The following PCDHB5 variants were observed in gnomAD, a reference collection of about 807,000 sequenced individuals.
The protein encoded by PCDHB5 is protocadherin beta-5.
For synonymous variants in PCDHB5, 569 were observed against 462.2 expected (o/e 1.23, Z -2.96); for missense variants, 1,125 against 1,029.4 (o/e 1.09, Z -1.27).
Position 141,135,379 on chromosome 5 carries a change from C to G in PCDHB5, c.-56C>G. 2.4e-6 allele frequency: 3 copies of G among 1,226,576 alleles called. No individual in the cohort carries two copies. Among genetic ancestry groups the G allele is most frequent in the Non-Finnish European group, 3.5e-6 (3 of 868,962 alleles). 76.0% of individuals were successfully genotyped at this position (1,226,576 alleles called of 1,614,324 possible). A position where few individuals can be genotyped will look rare whatever the true frequency, so the allele number is the denominator to read the frequency against. On this transcript the variant is annotated 5_prime_UTR_variant, in exon 1 of 1. The change creates a new upstream start codon in the 5' untranslated region. Transcript: ENST00000231134. ...CGGATTCGCGGTTATTTATGCAAAT[C>G]ATCTGGGTGGATTGTGTACGGAGTT... is the stretch of plus-strand genomic sequence containing the variant.
chr5:141,136,593 G>T lies in PCDHB5; in HGVS notation c.1159G>T (p.Asp387Tyr). 6.2e-7 allele frequency: 1 copy of T among 1,614,084 alleles called. No individual in the cohort carries two copies. Among genetic ancestry groups the T allele is most frequent in the South Asian group, 1.1e-5 (1 of 91,058 alleles). Reference sequence around the variant, plus strand: ...TAGGATGATTTGCTCCATCCAGAATGATCTCCCCTTTCTTTTGAAGCCCAC... The same window carrying T: ...TAGGATGATTTGCTCCATCCAGAATTATCTCCCCTTTCTTTTGAAGCCCAC... ...NGRMICSIQN[D>Y]LPFLLKPTLK... is the part of the protein sequence containing the mutation. Residue 387 changes from aspartate to tyrosine, a missense_variant, in exon 1 of 1, where the codon GAT (aspartate) becomes TAT (tyrosine). Physicochemically the swap from Asp to Tyr is radical, Grantham distance 160 (BLOSUM62 -3). Transcript: ENST00000231134.
In PCDHB5 at chr5:141,136,152, C is replaced by A; in HGVS notation, c.718C>A (p.Pro240Thr). The A allele has an allele frequency of 6.2e-7, 1 of 1,614,120 alleles. No individual in the cohort carries two copies. The highest frequency in any genetic ancestry group is 8.5e-7 in the Non-Finnish European group (1 of 1,180,002). The change falls in exon 1 of 1, where the codon CCC (proline) becomes ACC (threonine). Residue 240 changes from proline (P) to threonine (T), a missense_variant. Physicochemically the swap from Pro to Thr is conservative, Grantham distance 38. Coordinates refer to ENST00000231134, the MANE Select transcript of PCDHB5 (RefSeq NM_015669.5). Reference sequence around the variant, plus strand: ...CGTCTTGGATAATAATGACAACGCCCCCGAATTTTTACAATCATTCTATGA... The same window carrying A: ...CGTCTTGGATAATAATGACAACGCCACCGAATTTTTACAATCATTCTATGA... Reference protein sequence around the residue: ...IVVLDNNDNAPEFLQSFYEVQ... With the variant: ...IVVLDNNDNATEFLQSFYEVQ...
At position 141,137,200 on chromosome 5, in the gene PCDHB5, T is replaced by TGGGG; in HGVS notation, c.1768_1769insGGGG (p.Ala590GlyfsTer6). The TGGGG allele has an allele frequency of 5.0e-6, 8 of 1,610,966 alleles. No individual in the cohort carries two copies. Among genetic ancestry groups the TGGGG allele is most frequent in the Non-Finnish European group, 6.8e-6 (8 of 1,179,594 alleles). ...CCGGGCTACCTGGTGACCAAGGTGG[T>TGGGG]GGCGGTGGACGGTGACTCGGGCCAG... is the stretch of plus-strand genomic sequence containing the variant. On this transcript the variant is annotated frameshift_variant, in exon 1 of 1. Transcript: ENST00000231134. LOFTEE classifies it low-confidence loss of function (END_TRUNC).
rs782543802 is a variant in PCDHB5, at chr5:141,136,803, C to A, written c.1369C>A (p.Leu457Met). The A allele has an allele frequency of 1.9e-6, 3 of 1,613,796 alleles. No individual in the cohort carries two copies. In the Admixed American group the frequency reaches 5.0e-5, roughly 27 times the overall value. Residue 457 changes from leucine to methionine, a missense_variant, in exon 1 of 1, where the codon CTG becomes ATG. Coordinates refer to ENST00000231134, the MANE Select transcript of PCDHB5 (RefSeq NM_015669.5). ...CGCCTTCACCCAAACCTCCTACACCCTGTTCGTCCGAGAGAACAACAGCCC... is the reference window on the plus strand; with the variant it reads ...CGCCTTCACCCAAACCTCCTACACCATGTTCGTCCGAGAGAACAACAGCCC... The part of the protein sequence containing the change: ...APAFTQTSYT[L>M]FVRENNSPAL...
chr5:141,136,511 C>G lies in PCDHB5; in HGVS notation c.1077C>G (p.Ala359=). 5 of 1,614,058 alleles carry G rather than the reference C, an allele frequency of 3.1e-6. No individual in the cohort carries two copies. Among genetic ancestry groups the G allele is most frequent in the Non-Finnish European group, 4.2e-6 (5 of 1,179,980 alleles). ...STLSSPTPEN[A]PETVVAVFSV... is the part of the protein sequence containing the mutation. ...TCTCCAGCCCTACCCCAGAAAATGC[C>G]CCGGAAACTGTAGTTGCCGTTTTCA... Residue 359 remains alanine, a synonymous_variant, in exon 1 of 1, where the codon GCC becomes GCG. Coordinates refer to ENST00000231134, the MANE Select transcript of PCDHB5 (RefSeq NM_015669.5).
In PCDHB5 at chr5:141,137,102, C is replaced by T; in HGVS notation, c.1668C>T (p.Asn556=). Residue 556 remains asparagine, a synonymous_variant, in exon 1 of 1, where the codon AAC becomes AAT. Coordinates refer to ENST00000231134, the MANE Select transcript of PCDHB5 (RefSeq NM_015669.5). ...TGCTGGTGCTGGACGCCAACGACAACTCGCCCTTCGTGCTGTATCCGCTGC... is the reference window on the plus strand; with the variant it reads ...TGCTGGTGCTGGACGCCAACGACAATTCGCCCTTCGTGCTGTATCCGCTGC... The part of the protein sequence containing the change: ...VRVLVLDAND[N]SPFVLYPLQN... 6.2e-7 allele frequency: 1 copy of T among 1,611,634 alleles called. No homozygotes were observed. Among genetic ancestry groups the T allele is most frequent in the South Asian group, 1.1e-5 (1 of 90,966 alleles).
Position 141,136,280 on chromosome 5 carries a change from C to T in PCDHB5, c.846C>T (p.Phe282=). Residue 282 remains phenylalanine, a synonymous_variant, in exon 1 of 1, where the codon TTC becomes TTT. Transcript: ENST00000231134. The stretch of plus-strand genomic sequence containing the variant: ...ATGGGAGTGTAGCCTATGCTCTATT[C>T]CAAGGCGATGAAGTTACTCAACCAT... ...GAYGSVAYAL[F]QGDEVTQPFV... 1 of 1,614,142 alleles carries T rather than the reference C, an allele frequency of 6.2e-7. No individual in the cohort carries two copies. The highest frequency in any genetic ancestry group is 8.5e-7 in the Non-Finnish European group (1 of 1,180,004).
Position 141,136,049 on chromosome 5 carries a change from G to A in PCDHB5, c.615G>A (p.Arg205=), listed in dbSNP as rs782310094. 5.6e-6 allele frequency: 9 copies of A among 1,614,186 alleles called. No homozygotes were observed. The East Asian group carries it at 1.8e-4, about 32-fold the overall frequency. The change falls in exon 1 of 1, where the codon CGG becomes CGA. Residue 205 remains arginine (R), a synonymous_variant. Coordinates refer to ENST00000231134, the MANE Select transcript of PCDHB5 (RefSeq NM_015669.5). ...ACAAAGCGCTGGACCGGGAGGAGCGGCCTGAGCTCAGCTTAACACTCACTG... is the reference window on the plus strand; with the variant it reads ...ACAAAGCGCTGGACCGGGAGGAGCGACCTGAGCTCAGCTTAACACTCACTG... ...VLDKALDREE[R]PELSLTLTAL...
Position 141,136,785 on chromosome 5 carries a change from A to T in PCDHB5, c.1351A>T (p.Thr451Ser), listed in dbSNP as rs200378186. 367 of 1,613,836 alleles carry T rather than the reference A, an allele frequency of 2.3e-4. No homozygotes were observed. In the East Asian group the frequency reaches 7.5e-3, roughly 33 times the overall value. ...CGTCAATGACAACGCCCCCGCCTTC[A>T]CCCAAACCTCCTACACCCTGTTCGT... Reference protein sequence around the residue: ...SDVNDNAPAFTQTSYTLFVRE... With the variant: ...SDVNDNAPAFSQTSYTLFVRE... The change falls in exon 1 of 1, where the codon ACC (threonine) becomes TCC (serine). Residue 451 changes from threonine (T) to serine (S), a missense_variant. Physicochemically the swap from Thr to Ser is moderately conservative, Grantham distance 58. Transcript: ENST00000231134.
Position 141,135,602 on chromosome 5 carries a change from G to A in PCDHB5, c.168G>A (p.Val56=). 1 of 1,614,162 alleles carries A rather than the reference G, an allele frequency of 6.2e-7. No individual in the cohort carries two copies. Among genetic ancestry groups the A allele is most frequent in the Non-Finnish European group, 8.5e-7 (1 of 1,180,034 alleles). Residue 56 remains valine (V), a synonymous_variant, in exon 1 of 1, where the codon GTG becomes GTA. Transcript: ENST00000231134. ...ANLAKDLGLG[V]GELATRGARM... is the part of the protein sequence containing the mutation. Reference sequence around the variant, plus strand: ...TGGCAAAAGACCTGGGTCTTGGGGTGGGGGAACTGGCCACTCGGGGCGCGC... The same window carrying A: ...TGGCAAAAGACCTGGGTCTTGGGGTAGGGGAACTGGCCACTCGGGGCGCGC...
At position 141,137,604 on chromosome 5, in the gene PCDHB5, T is replaced by C. The variant is rs1554276265; in HGVS notation, c.2170T>C (p.Cys724Arg). The C allele has an allele frequency of 6.2e-7, 1 of 1,613,350 alleles. No homozygotes were observed. The highest frequency in any genetic ancestry group is 1.1e-5 in the South Asian group (1 of 91,028). Residue 724 changes from cysteine (C) to arginine (R), a missense_variant, in exon 1 of 1, where the codon TGC (cysteine) becomes CGC (arginine). By Grantham distance (180) the Cys-to-Arg change is radical. Transcript: ENST00000231134. Reference protein sequence around the residue: ...RRSRAAPVGRCSVPEGPFPGH... With the variant: ...RRSRAAPVGRRSVPEGPFPGH... ...GAGCAGGGCGGCCCCGGTCGGTCGC[T>C]GCTCGGTGCCCGAGGGCCCCTTTCC... is the stretch of plus-strand genomic sequence containing the variant.
Position 141,135,305 on chromosome 5 carries a change from T to C in PCDHB5, c.-130T>C, listed in dbSNP as rs1463255162. The C allele has an allele frequency of 3.0e-6, 2 of 670,154 alleles. No homozygotes were observed. The highest frequency in any genetic ancestry group is 3.6e-5 in the African/African-American group (2 of 55,592). 41.5% of individuals were successfully genotyped at this position (670,154 alleles called of 1,614,324 possible). On this transcript the variant is annotated 5_prime_UTR_variant, in exon 1 of 1. Transcript: ENST00000231134. ...CGCATTTTAGGTAAGATCTAGTGGC[T>C]AGATCTTCAGGGTGGGCTTCGTTCT...
Position 141,137,437 on chromosome 5 carries a change from C to T in PCDHB5, c.2003C>T (p.Pro668Leu). 6.2e-7 allele frequency: 1 copy of T among 1,612,166 alleles called. No homozygotes were observed. Among genetic ancestry groups the T allele is most frequent in the Non-Finnish European group, 8.5e-7 (1 of 1,179,624 alleles). ...HVLLVDGFSQ[P>L]YLPLPEAAPA... ...CTCCTGGTGGACGGCTTCTCCCAGC[C>T]CTACCTGCCGCTGCCGGAGGCGGCC... Residue 668 changes from proline (P) to leucine (L), a missense_variant, in exon 1 of 1, where the codon CCC (proline) becomes CTC (leucine). Pro to Leu is a moderately conservative substitution (Grantham distance 98). Transcript: ENST00000231134.
In PCDHB5 at chr5:141,136,368, C is replaced by G. The variant is rs368508473; in HGVS notation, c.934C>G (p.Pro312Ala). The part of the protein sequence containing the change: ...LKRALDFEAT[P>A]YYNVEIVATD... ...AAGGGCATTGGATTTCGAGGCAACTCCATATTATAACGTGGAAATTGTAGC... is the reference window on the plus strand; with the variant it reads ...AAGGGCATTGGATTTCGAGGCAACTGCATATTATAACGTGGAAATTGTAGC... The change falls in exon 1 of 1, where the codon CCA becomes GCA. Residue 312 changes from proline to alanine, a missense_variant. Coordinates refer to ENST00000231134, the MANE Select transcript of PCDHB5 (RefSeq NM_015669.5). 16 of 1,614,072 alleles carry G rather than the reference C, an allele frequency of 9.9e-6. No individual in the cohort carries two copies. Among genetic ancestry groups the G allele is most frequent in the East Asian group, 6.7e-5 (3 of 44,874 alleles).
In PCDHB5 at chr5:141,136,345, G is replaced by A. The variant is rs781926064; in HGVS notation, c.911G>A (p.Arg304Lys). The A allele has an allele frequency of 6.0e-5, 97 of 1,614,004 alleles. No homozygotes were observed. Among genetic ancestry groups the A allele is most frequent in the Non-Finnish European group, 7.6e-5 (90 of 1,180,034 alleles). ...DEKTAEIRLKRALDFEATPYY... is the reference protein window; with the variant it reads ...DEKTAEIRLKKALDFEATPYY... Reference sequence around the variant, plus strand: ...AAAACAGCAGAAATTCGCCTGAAAAGGGCATTGGATTTCGAGGCAACTCCA... The same window carrying A: ...AAAACAGCAGAAATTCGCCTGAAAAAGGCATTGGATTTCGAGGCAACTCCA... The change falls in exon 1 of 1, where the codon AGG becomes AAG. Residue 304 changes from arginine (R) to lysine (K), a missense_variant. Arg to Lys is a conservative substitution (Grantham distance 26). Coordinates refer to ENST00000231134, the MANE Select transcript of PCDHB5 (RefSeq NM_015669.5).
In PCDHB5 at chr5:141,137,708, A is replaced by T. The variant is rs782788427; in HGVS notation, c.2274A>T (p.Ser758=). Residue 758 remains serine, a synonymous_variant, in exon 1 of 1, where the codon TCA becomes TCT. Transcript: ENST00000231134. ...YHYEVCLTGD[S]GAGEFKFLKP... The stretch of plus-strand genomic sequence containing the variant: ...ACGAGGTGTGTTTGACCGGAGACTC[A>T]GGGGCCGGCGAGTTCAAGTTCCTGA... The T allele has an allele frequency of 6.2e-7, 1 of 1,614,224 alleles. No homozygotes were observed. Among genetic ancestry groups the T allele is most frequent in the Non-Finnish European group, 8.5e-7 (1 of 1,180,048 alleles).
Position 141,137,279 on chromosome 5 carries a change from C to T in PCDHB5, c.1845C>T (p.Ser615=), listed in dbSNP as rs782158856. 9.3e-6 allele frequency: 15 copies of T among 1,610,564 alleles called. No individual in the cohort carries two copies. The highest frequency in any genetic ancestry group is 4.0e-5 in the African/African-American group (3 of 74,866). Residue 615 remains serine (S), a synonymous_variant, in exon 1 of 1, where the codon AGC becomes AGT. Transcript: ENST00000231134. ...AGGCCACGGAGCCCGGGCTGTTCAG[C>T]ATGTGGGCGCACAATGGCGAGGTGC... ...LLKATEPGLF[S]MWAHNGEVRT...
rs782459626 is a variant in PCDHB5 at position 141,135,672 on chromosome 5, A to G, written c.238A>G (p.Lys80Glu). The G allele has an allele frequency of 3.7e-6, 6 of 1,614,040 alleles. No homozygotes were observed. The highest frequency in any genetic ancestry group is 1.1e-5 in the South Asian group (1 of 91,072). Residue 80 changes from lysine (K) to glutamate (E), a missense_variant, in exon 1 of 1, where the codon AAG (lysine) becomes GAG (glutamate). By Grantham distance (56) the Lys-to-Glu change is moderately conservative. Coordinates refer to ENST00000231134, the MANE Select transcript of PCDHB5 (RefSeq NM_015669.5). ...GNKELLQLDI[K>E]TGNLLLYEKL... ...CAAAGAGCTCTTGCAGCTTGATATA[A>G]AGACCGGCAATTTGCTTCTATATGA...
chr5:141,136,485 C>T lies in PCDHB5; in HGVS notation c.1051C>T (p.Leu351Phe), dbSNP rs782727748. 6.2e-7 allele frequency: 1 copy of T among 1,613,948 alleles called. No homozygotes were observed. The highest frequency in any genetic ancestry group is 1.3e-5 in the African/African-American group (1 of 74,884). ...CGCCCCTGAACTCACCATGTCTACG[C>T]TCTCCAGCCCTACCCCAGAAAATGC... is the stretch of plus-strand genomic sequence containing the variant. ...DNAPELTMST[L>F]SSPTPENAPE... The change falls in exon 1 of 1, where the codon CTC becomes TTC. Residue 351 changes from leucine to phenylalanine, a missense_variant. By Grantham distance (22) the Leu-to-Phe change is conservative (BLOSUM62 0). Transcript: ENST00000231134.
Sources: gnomAD v4.1 joint callset for allele counts on GRCh38, gnomAD v4.1.1 for gene constraint, MANE v1.5 for transcripts, NCBI Gene and HGNC (gene_info 2026-07-23, HGNC 2026-07-21) for gene names.